Variants in PLCG2 observed in about 807,000 individuals in gnomAD.
The protein encoded by PLCG2 is phospholipase C gamma 2, also known as 1-phosphatidylinositol 4,5-bisphosphate phosphodiesterase gamma-2.
Under a neutral mutation model 175.6 loss-of-function variants are expected in PLCG2, and 69 were observed. The observed-to-expected ratio is 0.39, with a 90% CI of 0.32 to 0.48. The LOEUF is 0.48. PLCG2 is among the 20% of genes least tolerant of loss of function. The probability of loss-of-function intolerance (pLI) is 0.91; values close to 1 mark genes in which losing one functional copy is unlikely to be tolerated. For synonymous variants in PLCG2, 827 were observed against 624.0 expected (o/e 1.33, Z -4.85); for missense variants, 1,798 against 1,650.9 (o/e 1.09, Z -1.54).
chr16:81,916,163 A>C (rs1032721308), intron 19 of PLCG2, among the ~76,000 whole-genome samples: 1 of 152,090 alleles, frequency 6.6e-6, no homozygotes, highest in African/African-American at 2.4e-5. Flanking sequence ...ATAAATATTT[A>C]ATAAAATATC....
At chr16:81,801,507 C>T (rs569407007) in intron 2 of PLCG2, among the ~76,000 whole-genome samples, 67 of 152,240 alleles carry the variant, frequency 4.4e-4, no homozygotes, top group African/African-American at 1.4e-3. Flanking sequence ...CAGTACAGCA[C>T]GATAGATTGA....
chr16:81,819,328 T>C (rs1203055491), intron 2 of PLCG2, among the ~76,000 whole-genome samples: 1 of 152,112 alleles, frequency 6.6e-6, no homozygotes, highest in African/African-American at 2.4e-5. Flanking sequence ...CTGCCTCATA[T>C]CCATTTTCAG....
chr16:81,938,829 T>G lies in PLCG2; in HGVS notation c.3227T>G (p.Leu1076Arg). The change falls in exon 29 of 33, where the codon CTT becomes CGT. Residue 1076 changes from leucine to arginine, a missense_variant. Leu to Arg is a moderately radical substitution (Grantham distance 102). Transcript: ENST00000564138. ...KVLGARHLPK[L>R]GRSIACPFVE... ...CTCGGTGCTCGCCATCTCCCCAAAC[T>G]TGGACGAAGTATTGCCTGTCCCTTT... is the stretch of plus-strand genomic sequence containing the variant. 1 of 1,609,500 alleles carries G rather than the reference T, an allele frequency of 6.2e-7. No individual in the cohort carries two copies. Among genetic ancestry groups the G allele is most frequent in the Non-Finnish European group, 8.5e-7 (1 of 1,178,266 alleles).
intron 6 of PLCG2, 129 bp downstream of exon 6, chr16:81,869,427 C>G (rs1005982525): frequency 1.4e-6 from 1 of 690,510 alleles, no homozygotes; most frequent in Non-Finnish European, 2.6e-6. Context: ...CAGAGTACAT[C>G]TTAGTTCAGA....
intron 1 of PLCG2, among the ~76,000 whole-genome samples, chr16:81,783,337 G>A (rs535638682): frequency 6.6e-6 from 1 of 152,286 alleles, no homozygotes; most frequent in African/African-American, 2.4e-5. Flanking sequence ...TTAAGTTTTA[G>A]GGTACATGTG....
intron 31 of PLCG2, among the ~76,000 whole-genome samples, chr16:81,953,768 G>A (rs1023444796): frequency 6.6e-6 from 1 of 152,050 alleles, no homozygotes; most frequent in Non-Finnish European, 1.5e-5. Context: ...TTCTGAATGT[G>A]CATTATATCT....
intron 2 of PLCG2, 127 bp downstream of exon 2, chr16:81,786,309 A>T: frequency 1.3e-6 from 1 of 781,652 alleles, no homozygotes. Flanking sequence ...ATTCGTCTTA[A>T]AATGAAAGCA....
chr16:81,855,208 AG>A (rs1323296871), intron 3 of PLCG2, among the ~76,000 whole-genome samples: 15 of 150,784 alleles, frequency 9.9e-5, no homozygotes, highest in African/African-American at 3.4e-4. Context: ...AAAAAAAAAA[AG>A]AGAAGAAAAA....
At chr16:81,781,176 T>C (rs1425436965) in intron 1 of PLCG2, among the ~76,000 whole-genome samples, 3 of 152,212 alleles carry the variant, frequency 2.0e-5, no homozygotes, top group African/African-American at 4.8e-5. Flanking sequence ...CTCCGATAAA[T>C]AGTAACCACT....
At position 81,923,600 on chromosome 16, in the gene PLCG2, G is replaced by T. The variant is rs371502079; in HGVS notation, c.2417+6G>T. Reference sequence around the variant, plus strand: ...TCCAAGGAGCCCGGGGGCTGGTAAGGCTGAGTGGAGGCTGGGCTGCTCGGC... The same window carrying T: ...TCCAAGGAGCCCGGGGGCTGGTAAGTCTGAGTGGAGGCTGGGCTGCTCGGC... On this transcript the variant is annotated splice_donor_region_variant and intron_variant, in intron 22 of 32. Transcript: ENST00000564138. The T allele has an allele frequency of 6.4e-7, 1 of 1,561,356 alleles. No homozygotes were observed. The highest frequency in any genetic ancestry group is 1.4e-5 in the African/African-American group (1 of 73,876).
At chr16:81,753,247 C>G (rs559287501) in intron 1 of PLCG2, among the ~76,000 whole-genome samples, 3 of 152,112 alleles carry the variant, frequency 2.0e-5, no homozygotes, top group Non-Finnish European at 4.4e-5. Context: ...CTTTAGTTTT[C>G]CCACTCACAG....
intron 2 of PLCG2, among the ~76,000 whole-genome samples, chr16:81,843,958 T>C (rs1361929205): frequency 2.0e-5 from 3 of 152,016 alleles, no homozygotes; most frequent in Non-Finnish European, 4.4e-5. Flanking sequence ...TTTTCGTTTT[T>C]CTTTTGTTTT....
At chr16:81,910,456 G>T in intron 17 of PLCG2, 64 bp from the exon 18 acceptor site, 1 of 1,443,618 alleles carries the variant, frequency 6.9e-7, no homozygotes, top group East Asian at 2.3e-5. Flanking sequence ...CGCCTCTGAG[G>T]CCCTGGCTGC....
chr16:81,915,573 AT>A (rs1909805633), intron 19 of PLCG2, among the ~76,000 whole-genome samples: 3 of 152,272 alleles, frequency 2.0e-5, no homozygotes, highest in African/African-American at 7.2e-5. Flanking sequence ...GATTTCATTT[AT>A]GTTTTCCAAA....
In PLCG2 at chr16:81,923,514, C is replaced by A. The variant is rs1487567974; in HGVS notation, c.2337C>A (p.Asp779Glu). 2 of 1,613,022 alleles carry A rather than the reference C, an allele frequency of 1.2e-6. No homozygotes were observed. Among genetic ancestry groups the A allele is most frequent in the Non-Finnish European group, 1.7e-6 (2 of 1,179,222 alleles). The change falls in exon 22 of 33, where the codon GAC becomes GAA. Residue 779 changes from aspartate to glutamate, a missense_variant. Asp to Glu is a conservative substitution (Grantham distance 45). Transcript: ENST00000564138. ...AGAGAACCGTGAAAGCTCTGTATGA[C>A]TACAAAGCCAAGCGAAGCGATGAGC... ...MPQRTVKALYDYKAKRSDELS... is the reference protein window; with the variant it reads ...MPQRTVKALYEYKAKRSDELS...
chr16:81,912,808 C>T lies in PLCG2; in HGVS notation c.2054+92C>T, dbSNP rs1364258622. 4.3e-6 allele frequency: 6 copies of T among 1,408,470 alleles called. No homozygotes were observed. In the African/African-American group the frequency reaches 4.4e-5, roughly 10 times the overall value. The allele number at this position is 1,408,470 out of a possible 1,614,324, so 87.2% of individuals were successfully genotyped here. On this transcript the variant is annotated intron_variant, in intron 19 of 32. Coordinates refer to ENST00000564138, the MANE Select transcript of PLCG2 (RefSeq NM_002661.5). ...AGGGGGAACTTCAGGTGGAGGCTCACCTGCAGTGCCCTGCCCCCCCAGCAT... is the reference window on the plus strand; with the variant it reads ...AGGGGGAACTTCAGGTGGAGGCTCATCTGCAGTGCCCTGCCCCCCCAGCAT...
upstream of PLCG2, among the ~76,000 whole-genome samples, chr16:81,778,066 A>AAC (rs1567457941): frequency 0.02 from 1,714 of 84,746 alleles, 27 homozygotes; most frequent in South Asian, 0.037. Context: ...AAAAAAAACC[A>AAC]AAAACACACA....
chr16:81,918,163 T>C (rs1909920409), intron 19 of PLCG2, among the ~76,000 whole-genome samples: 1 of 152,252 alleles, frequency 6.6e-6, no homozygotes, highest in Non-Finnish European at 1.5e-5. Context: ...ATTTACTCTG[T>C]TGATTCTTTC....
intron 7 of PLCG2, among the ~76,000 whole-genome samples, chr16:81,876,170 C>T (rs1907779427): frequency 6.6e-6 from 1 of 151,962 alleles, no homozygotes; most frequent in South Asian, 2.1e-4. Context: ...GGACCACAGG[C>T]GTGTGCCACC....
Sources: gnomAD v4.1 joint callset for allele counts (sites outside exome capture counted in the v4.1 genomes callset) on GRCh38, gnomAD v4.1.1 for gene constraint, MANE v1.5 for transcripts, NCBI Gene and HGNC (gene_info 2026-07-23, HGNC 2026-07-21) for gene names.